Variants in SYT10 observed in about 807,000 individuals in gnomAD.
SYT10 encodes synaptotagmin-10.
SYT10 carries 31 observed loss-of-function variants against 51.1 expected under a neutral mutation model. That is an observed-to-expected ratio of 0.61 (90% CI 0.46 to 0.82). SYT10 has a LOEUF of 0.82. Ranked by LOEUF, SYT10 falls within the 40% of genes least tolerant of loss-of-function variation. The pLI is 0.00. For missense variants in SYT10, 603 were observed against 634.0 expected, an observed-to-expected ratio of 0.95 and a Z score of 0.53; for synonymous variants, 233 against 225.9, an observed-to-expected ratio of 1.03 and a Z score of -0.28.
chr12:33,384,024 T>C (rs561971493), intron 4 of SYT10, among the ~76,000 whole-genome samples: 18 of 152,274 alleles, frequency 1.2e-4, no homozygotes, highest in African/African-American at 4.1e-4. Flanking sequence ...AGAATTTACT[T>C]GTTCTACTTT....
intron 3 of SYT10, among the ~76,000 whole-genome samples, chr12:33,398,080 A>C (rs1866272173): frequency 6.6e-6 from 1 of 152,162 alleles, no homozygotes; most frequent in African/African-American, 2.4e-5. Context: ...GGTGATACCC[A>C]GAGTGGAAGT....
intron 3 of SYT10, among the ~76,000 whole-genome samples, chr12:33,385,588 G>A (rs566392477): frequency 2.0e-5 from 3 of 152,214 alleles, no homozygotes; most frequent in South Asian, 2.1e-4. Context: ...CAGTGTTTCC[G>A]CAATCAACAA....
Position 33,407,360 on chromosome 12 carries a change from A to AAC in SYT10, c.510-6_510-5dup. The AAC allele has an allele frequency of 5.6e-6, 9 of 1,601,330 alleles. No homozygotes were observed. Among genetic ancestry groups the AAC allele is most frequent in the Non-Finnish European group, 7.6e-6 (9 of 1,179,618 alleles). On this transcript the variant is annotated splice_polypyrimidine_tract_variant and splice_region_variant and intron_variant, in intron 2 of 6. Transcript: ENST00000228567. ...GTGTCTTCGGAAGGAACTGTGGCTGAACACACACACATATACACAAAATCA... is the reference window on the plus strand; with the variant it reads ...GTGTCTTCGGAAGGAACTGTGGCTGAACACACACACACATATACACAAAATCA...
chr12:33,421,868 T>C (rs1866508143), intron 2 of SYT10, among the ~76,000 whole-genome samples: 1 of 152,122 alleles, frequency 6.6e-6, no homozygotes, highest in African/African-American at 2.4e-5. Context: ...GAGGTTGTTA[T>C]TCCACACAAG....
At chr12:33,428,635 G>C (rs1487793423) in intron 1 of SYT10, among the ~76,000 whole-genome samples, 1 of 152,144 alleles carries the variant, frequency 6.6e-6, no homozygotes, top group Non-Finnish European at 1.5e-5. Flanking sequence ...GGCCAGGCGC[G>C]GTGGCTCCCG....
At chr12:33,379,335 C>A (rs1372426119) in intron 6 of SYT10, among the ~76,000 whole-genome samples, 1 of 151,952 alleles carries the variant, frequency 6.6e-6, no homozygotes, top group Non-Finnish European at 1.5e-5. Context: ...AACCTGTGGG[C>A]AGTTTTACTT....
intron 1 of SYT10, 101 bp downstream of exon 1, chr12:33,439,262 CCCAAATATG>C: frequency 2.1e-6 from 3 of 1,398,510 alleles, no homozygotes; most frequent in Non-Finnish European, 2.9e-6. Context: ...AGCGTGGCGC[CCCAAATATG>C]CCGCGGGAGC....
chr12:33,439,720 G>C lies in SYT10; in HGVS notation c.-198C>G, dbSNP rs192039072. The C allele has an allele frequency of 3.6e-5, 22 of 612,088 alleles. No individual in the cohort carries two copies. The highest frequency in any genetic ancestry group is 5.7e-5 in the Non-Finnish European group (21 of 370,568). 37.9% of individuals were successfully genotyped at this position (612,088 alleles called of 1,614,324 possible). On this transcript the variant is annotated 5_prime_UTR_variant, in exon 1 of 7. Transcript: ENST00000228567. ...GGGAGCGGAGGGCGTAGGGGAAGGA[G>C]AGGCGCGCGAGGAGGCTGCGGCTGC...
intron 3 of SYT10, among the ~76,000 whole-genome samples, chr12:33,403,388 T>C (rs1167107528): frequency 6.6e-6 from 1 of 151,920 alleles, no homozygotes; most frequent in Non-Finnish European, 1.5e-5. Context: ...CTTGCCACCA[T>C]GCCCAGCTAA....
intron 5 of SYT10, among the ~76,000 whole-genome samples, chr12:33,381,322 C>T (rs1332119196): frequency 1.3e-5 from 2 of 152,048 alleles, no homozygotes. Flanking sequence ...GAGGAGAGCA[C>T]ATTAATATCT....
Position 33,439,791 on chromosome 12 carries a change from GC to G in SYT10, c.-270del, listed in dbSNP as rs1797976347. 4.2e-6 allele frequency: 2 copies of G among 473,298 alleles called. No homozygotes were observed. The allele number at this position is 473,298 out of a possible 1,614,324, so 29.3% of individuals were successfully genotyped here. On this transcript the variant is annotated 5_prime_UTR_variant, in exon 1 of 7. Coordinates refer to ENST00000228567, the MANE Select transcript of SYT10 (RefSeq NM_198992.4). Reference sequence around the variant, plus strand: ...TCCCGCCGCGCGAGCGAGCCGAGGCGCGCTGGAACTAGAGACCCGGCATGGA... The same window carrying G: ...TCCCGCCGCGCGAGCGAGCCGAGGCGGCTGGAACTAGAGACCCGGCATGGA...
intron 1 of SYT10, among the ~76,000 whole-genome samples, chr12:33,429,125 G>A (rs374172445): frequency 4.6e-5 from 7 of 152,058 alleles, no homozygotes; most frequent in East Asian, 3.9e-4. Flanking sequence ...GCAATTAAGC[G>A]GAATAATTAA....
At chr12:33,439,320 C>T in intron 1 of SYT10, 52 bp downstream of exon 1, 2 of 1,570,042 alleles carry the variant, frequency 1.3e-6, no homozygotes, top group Non-Finnish European at 1.7e-6. Flanking sequence ...TGCAGCCTAG[C>T]GCGCGGGGTC....
chr12:33,414,644 A>G (rs1420611929), intron 2 of SYT10, among the ~76,000 whole-genome samples: 1 of 152,242 alleles, frequency 6.6e-6, no homozygotes, highest in Non-Finnish European at 1.5e-5. Context: ...GAACAAAGCC[A>G]CAACATACCA....
chr12:33,384,202 C>T (rs190085050), intron 4 of SYT10, among the ~76,000 whole-genome samples: 13 of 152,208 alleles, frequency 8.5e-5, no homozygotes, highest in African/African-American at 2.9e-4. Flanking sequence ...CAGATATTAG[C>T]AATATGAATA....
Position 33,392,985 on chromosome 12 carries a change from T to TAAAAAAAAAAAA in SYT10, c.1078-7706_1078-7695dup, listed in dbSNP as rs71068378. 6.9e-3 allele frequency among the ~76,000 whole-genome samples: 408 copies of TAAAAAAAAAAAA among 59,050 alleles called. 12 individuals are homozygous for TAAAAAAAAAAAA. Among genetic ancestry groups the TAAAAAAAAAAAA allele is most frequent in the African/African-American group, 0.014 (153 of 11,046 alleles). The allele number at this position is 59,050 out of a possible 152,430, so 38.7% of individuals were successfully genotyped here. The stretch of plus-strand genomic sequence containing the variant: ...CAAAAATAATTGTGGTTTTTGCCAT[T>TAAAAAAAAAAAA]AAAAAAAAAAAAAAAAAAAAAAAAA... On this transcript the variant is annotated intron_variant, in intron 3 of 6. Transcript: ENST00000228567.
rs2138414939 is a variant in SYT10, at chr12:33,406,873, C to T, written c.993G>A (p.Gly331=). 1.2e-6 allele frequency: 2 copies of T among 1,614,040 alleles called. No individual in the cohort carries two copies. Among genetic ancestry groups the T allele is most frequent in the South Asian group, 2.2e-5 (2 of 91,082 alleles). Residue 331 remains glycine (G), a synonymous_variant, in exon 3 of 7, where the codon GGG becomes GGA. Coordinates refer to ENST00000228567, the MANE Select transcript of SYT10 (RefSeq NM_198992.4). The part of the protein sequence containing the change: ...FDRFSRHDMI[G]EVILDNLFEV... Reference sequence around the variant, plus strand: ...CAAACAAATTATCAAGAATCACTTCCCCAATCATGTCATGTCTAGAAAATC... The same window carrying T: ...CAAACAAATTATCAAGAATCACTTCTCCAATCATGTCATGTCTAGAAAATC...
chr12:33,426,099 CG>C, intron 2 of SYT10, 38 bp downstream of exon 2: 1 of 1,513,284 alleles, frequency 6.6e-7, no homozygotes, highest in Non-Finnish European at 8.9e-7. Context: ...CACACACACA[CG>C]CACACACACC....
At chr12:33,400,093 C>T (rs1866289893) in intron 3 of SYT10, among the ~76,000 whole-genome samples, 1 of 152,198 alleles carries the variant, frequency 6.6e-6, no homozygotes, top group Non-Finnish European at 1.5e-5. Flanking sequence ...TACTGCCCCA[C>T]TTTCCATCAT....
Sources: gnomAD v4.1 joint callset for allele counts (sites outside exome capture counted in the v4.1 genomes callset) on GRCh38, gnomAD v4.1.1 for gene constraint, MANE v1.5 for transcripts, NCBI Gene and HGNC (gene_info 2026-07-23, HGNC 2026-07-21) for gene names.